GALNTL6: variants seen among roughly 807,000 people sequenced by gnomAD.
The protein encoded by GALNTL6 is polypeptide N-acetylgalactosaminyltransferase like 6.
GALNTL6 carries 46 observed loss-of-function variants against 73.7 expected under a neutral mutation model. The observed-to-expected ratio is 0.62, with a 90% confidence interval of 0.49 to 0.80. The LOEUF (loss-of-function observed/expected upper bound fraction) is 0.80, where lower values mean the gene tolerates loss of function less well. Among genes scored for constraint, GALNTL6 ranks in the 30% least tolerant of loss-of-function variants. The pLI is 0.00. For synonymous variants in GALNTL6, 259 were observed against 263.7 expected (o/e 0.98, Z 0.17); for missense variants, 604 against 755.0 (o/e 0.80, Z 2.34).
chr4:172,850,161 C>T (rs941491403), intron 7 of GALNTL6, among the ~76,000 whole-genome samples: 2 of 152,154 alleles, frequency 1.3e-5, no homozygotes, highest in Non-Finnish European at 2.9e-5. Context: ...AAACATGGAC[C>T]TCCTAGCCCT....
chr4:172,850,022 A>T (rs957850757), intron 7 of GALNTL6, among the ~76,000 whole-genome samples: 1 of 152,154 alleles, frequency 6.6e-6, no homozygotes, highest in African/African-American at 2.4e-5. Flanking sequence ...TTGGAAGGGA[A>T]ACCATGGATT....
At chr4:172,707,358 T>C (rs1450417724) in intron 5 of GALNTL6, among the ~76,000 whole-genome samples, 2 of 152,206 alleles carry the variant, frequency 1.3e-5, no homozygotes, top group Non-Finnish European at 2.9e-5. Flanking sequence ...AGTAGTCAGA[T>C]AGATCTGCCC....
intron 2 of GALNTL6, among the ~76,000 whole-genome samples, chr4:172,217,952 G>C (rs900476974): frequency 1.3e-5 from 2 of 152,020 alleles, no homozygotes; most frequent in Non-Finnish European, 2.9e-5. Flanking sequence ...TGTCCCCTTT[G>C]TATTTGGGCT....
chr4:172,410,104 T>C (rs911894476), intron 5 of GALNTL6, among the ~76,000 whole-genome samples: 3 of 152,040 alleles, frequency 2.0e-5, no homozygotes, highest in African/African-American at 7.2e-5. Context: ...ACTTTCAAAA[T>C]TTAAATTAAA....
chr4:172,574,937 CAT>C (rs997046839), intron 5 of GALNTL6, among the ~76,000 whole-genome samples: 10 of 34,082 alleles, frequency 2.9e-4, no homozygotes, highest in African/African-American at 4.3e-4. Flanking sequence ...CACACGCACA[CAT>C]ACACACACAC....
intron 2 of GALNTL6, among the ~76,000 whole-genome samples, chr4:172,058,548 G>T (rs1397259206): frequency 6.6e-6 from 1 of 151,850 alleles, no homozygotes. Context: ...GTGTGTGTGT[G>T]CATGTACACT....
intron 7 of GALNTL6, among the ~76,000 whole-genome samples, chr4:172,821,265 G>A (rs1741910374): frequency 6.6e-6 from 1 of 152,118 alleles, no homozygotes; most frequent in African/African-American, 2.4e-5. Flanking sequence ...ACAAAATCAG[G>A]ACTCAAATCA....
chr4:172,082,150 T>C (rs1399812798), intron 2 of GALNTL6, among the ~76,000 whole-genome samples: 1 of 152,164 alleles, frequency 6.6e-6, no homozygotes, highest in Non-Finnish European at 1.5e-5. Context: ...GTACTGAGAT[T>C]ACAGGCACTG....
intron 2 of GALNTL6, among the ~76,000 whole-genome samples, chr4:172,053,279 T>TTG (rs1560902101): frequency 6.6e-6 from 1 of 152,088 alleles, no homozygotes; most frequent in Non-Finnish European, 1.5e-5. Context: ...ACATGGTGTT[T>TTG]TTTTAAAAAA....
At chr4:172,765,192 A>G (rs991034010) in intron 5 of GALNTL6, among the ~76,000 whole-genome samples, 2 of 152,220 alleles carry the variant, frequency 1.3e-5, no homozygotes, top group African/African-American at 4.8e-5. Flanking sequence ...CAACACAGAC[A>G]GAGAGAAATA....
chr4:171,950,008 C>T (rs1331087803), intron 2 of GALNTL6, among the ~76,000 whole-genome samples: 1 of 152,126 alleles, frequency 6.6e-6, no homozygotes, highest in African/African-American at 2.4e-5. Context: ...TCCAGTAGAA[C>T]CATCAGAGTT....
At chr4:172,477,061 A>G (rs996867735) in intron 5 of GALNTL6, among the ~76,000 whole-genome samples, 1 of 151,156 alleles carries the variant, frequency 6.6e-6, no homozygotes. Flanking sequence ...AGCTGGGACT[A>G]CAGGCGCCCG....
At chr4:171,817,137 G>A (rs968679042) in intron 2 of GALNTL6, among the ~76,000 whole-genome samples, 1 of 151,958 alleles carries the variant, frequency 6.6e-6, no homozygotes, top group African/African-American at 2.4e-5. Context: ...TATTGAGGAT[G>A]AAGATAATGT....
chr4:172,589,845 G>GTC (rs1337484426), intron 5 of GALNTL6, among the ~76,000 whole-genome samples: 2 of 151,888 alleles, frequency 1.3e-5, no homozygotes, highest in African/African-American at 4.8e-5. Flanking sequence ...CTCTCTCTCT[G>GTC]TCTCTCTCTC....
At chr4:172,606,985 C>G (rs1738329069) in intron 5 of GALNTL6, among the ~76,000 whole-genome samples, 1 of 151,716 alleles carries the variant, frequency 6.6e-6, no homozygotes, top group Non-Finnish European at 1.5e-5. Context: ...TGTGGTTACT[C>G]TGCTGCAGGT....
At chr4:172,122,632 T>C (rs1031936762) in intron 2 of GALNTL6, among the ~76,000 whole-genome samples, 2 of 152,164 alleles carry the variant, frequency 1.3e-5, no homozygotes, top group African/African-American at 4.8e-5. Context: ...GGAGTACACA[T>C]GCTCACTAGT....
At chr4:172,026,180 T>C (rs1170301975) in intron 2 of GALNTL6, among the ~76,000 whole-genome samples, 3 of 151,762 alleles carry the variant, frequency 2.0e-5, no homozygotes, top group East Asian at 1.9e-4. Flanking sequence ...TTACCTCCTA[T>C]GAACAATATT....
rs1324964310 is a variant in GALNTL6 at position 172,467,851 on chromosome 4, TTTCTTTC to T, written c.553+119165_553+119171del. The stretch of plus-strand genomic sequence containing the variant: ...CTTTCTTTCTTTCTTTCTTTCTTTC[TTTCTTTC>T]TTTCTTTCCTTCTTTCCTTCTTTTC... On this transcript the variant is annotated intron_variant, in intron 5 of 12. Coordinates refer to ENST00000506823, the MANE Select transcript of GALNTL6 (RefSeq NM_001034845.3). 4.8e-5 allele frequency among the ~76,000 whole-genome samples: 7 copies of T among 147,314 alleles called. No individual in the cohort carries two copies. The East Asian group carries it at 1.4e-3, about 29-fold the overall frequency.
chr4:172,566,764 A>G (rs566280409), intron 5 of GALNTL6, among the ~76,000 whole-genome samples: 2 of 152,084 alleles, frequency 1.3e-5, no homozygotes, highest in East Asian at 1.9e-4. Context: ...AGATAACAAA[A>G]TCAGCAAACC....
Sources: gnomAD v4.1 joint callset for allele counts (sites outside exome capture counted in the v4.1 genomes callset) on GRCh38, gnomAD v4.1.1 for gene constraint, MANE v1.5 for transcripts, NCBI Gene and HGNC (gene_info 2026-07-23, HGNC 2026-07-21) for gene names.